Variants in NAA15 observed in about 807,000 individuals in gnomAD.
The protein encoded by NAA15 is N-terminal acetyltransferase.
Under a neutral mutation model 114.0 loss-of-function variants are expected in NAA15, and 34 were observed. The observed-to-expected ratio is 0.30, with a 90% confidence interval of 0.23 to 0.40. The LOEUF is 0.40. Among genes scored for constraint, NAA15 ranks in the 10% least tolerant of loss-of-function variants. NAA15 has a pLI of 1.00. For missense variants in NAA15, 658 were observed against 1,004.5 expected (o/e 0.66, Z 4.66); for synonymous variants, 340 against 338.0 (o/e 1.01, Z -0.06).
intron 15 of NAA15, among the ~76,000 whole-genome samples, chr4:139,375,113 C>G (rs1748546365): frequency 6.6e-6 from 1 of 152,300 alleles, no homozygotes; most frequent in South Asian, 2.1e-4. Flanking sequence ...CTGCCTTTCT[C>G]TGATACAACT....
chr4:139,361,681 A>G (rs770567182), intron 13 of NAA15, 43 bp from the exon 14 acceptor site: 20 of 1,231,524 alleles, frequency 1.6e-5, no homozygotes, highest in Middle Eastern at 2.0e-4. Context: ...TTTCTTAGCC[A>G]TTGCTGTACT....
At chr4:139,381,671 A>G (rs140359509) in intron 17 of NAA15, among the ~76,000 whole-genome samples, 9 of 152,172 alleles carry the variant, frequency 5.9e-5, no homozygotes, top group Admixed American at 5.9e-4. Context: ...AACAGTCATT[A>G]CCTCACACAA....
chr4:139,375,932 A>G (rs1418516996), intron 15 of NAA15, among the ~76,000 whole-genome samples: 1 of 152,074 alleles, frequency 6.6e-6, no homozygotes, highest in Non-Finnish European at 1.5e-5. Context: ...CAGAATGGAT[A>G]GTGTAGTATT....
intron 6 of NAA15, among the ~76,000 whole-genome samples, chr4:139,346,987 T>G (rs6822592): frequency 0.54 from 81,760 of 151,946 alleles, 24,275 homozygotes; most frequent in African/African-American, 0.81. Context: ...TGTTGCCTAG[T>G]CTGGACTTGA....
At chr4:139,333,495 T>C (rs1049408937) in intron 1 of NAA15, among the ~76,000 whole-genome samples, 17 of 152,328 alleles carry the variant, frequency 1.1e-4, no homozygotes, top group African/African-American at 3.6e-4. Flanking sequence ...GGGTATTTTT[T>C]CCGTGTATTT....
chr4:139,301,969 A>C, intron 1 of NAA15, 138 bp downstream of exon 1: 1 of 901,922 alleles, frequency 1.1e-6, no homozygotes, highest in Non-Finnish European at 1.7e-6. Context: ...GGCCGAATGC[A>C]TTGCTTTGCT....
At chr4:139,374,642 A>C (rs1363002604) in intron 15 of NAA15, among the ~76,000 whole-genome samples, 3 of 152,332 alleles carry the variant, frequency 2.0e-5, no homozygotes, top group East Asian at 3.9e-4. Flanking sequence ...ATTTCTGATT[A>C]CATGATTCCA....
rs745673757 is a variant in NAA15, at chr4:139,386,146, A to G, written c.2316A>G (p.Val772=). The G allele has an allele frequency of 1.1e-5, 17 of 1,592,370 alleles. No individual in the cohort carries two copies. In the East Asian group the frequency reaches 2.3e-4, roughly 21 times the overall value. The change falls in exon 19 of 20, where the codon GTA becomes GTG. Residue 772 remains valine (V), a synonymous_variant. Transcript: ENST00000296543. ...LPHRLSAAKM[V]YYLDPSSQKR... is the part of the protein sequence containing the mutation. The stretch of plus-strand genomic sequence containing the variant: ...CCTCTCATTTAGCTGCCAAAATGGT[A>G]TATTACTTAGATCCTTCTAGTCAGA...
chr4:139,357,003 C>T (rs1482905847), intron 10 of NAA15, among the ~76,000 whole-genome samples: 28 of 149,810 alleles, frequency 1.9e-4, no homozygotes, highest in African/African-American at 6.1e-4. Context: ...TTTTTTTAAC[C>T]TCACATGAAT....
At chr4:139,315,066 T>G (rs138133127) in intron 1 of NAA15, among the ~76,000 whole-genome samples, 3,949 of 92,534 alleles carry the variant, frequency 0.043, 200 homozygotes, top group Non-Finnish European at 0.056. Context: ...TTTAGTTTAG[T>G]TTAGTTTAGT....
At chr4:139,309,793 A>G (rs933531365) in intron 1 of NAA15, among the ~76,000 whole-genome samples, 5 of 152,336 alleles carry the variant, frequency 3.3e-5, no homozygotes, top group Middle Eastern at 3.4e-3. Flanking sequence ...TCAGTTTTCA[A>G]TAGTAGTAGA....
At position 139,334,030 on chromosome 4, in the gene NAA15, A is replaced by G. The variant is rs1747117506; in HGVS notation, c.55-144A>G. 5.2e-6 allele frequency: 3 copies of G among 573,042 alleles called. No homozygotes were observed. In the South Asian group the frequency reaches 7.0e-5, roughly 13 times the overall value. The allele number at this position is 573,042 out of a possible 1,614,324, so 35.5% of individuals were successfully genotyped here. ...TACTTCCTGTATTTGAACCTTTTGTATTTTTTATTGGCATTTTACCGAGAT... is the reference window on the plus strand; with the variant it reads ...TACTTCCTGTATTTGAACCTTTTGTGTTTTTTATTGGCATTTTACCGAGAT... On this transcript the variant is annotated intron_variant, in intron 1 of 19. Coordinates refer to ENST00000296543, the MANE Select transcript of NAA15 (RefSeq NM_057175.5).
chr4:139,316,305 T>C (rs1746409474), intron 1 of NAA15, among the ~76,000 whole-genome samples: 1 of 151,970 alleles, frequency 6.6e-6, no homozygotes, highest in African/African-American at 2.4e-5. Flanking sequence ...GTCTCTTCTA[T>C]ATGTATGACT....
In NAA15 at chr4:139,361,710, G is replaced by T. The variant is rs1013278159; in HGVS notation, c.1540-14G>T. On this transcript the variant is annotated splice_polypyrimidine_tract_variant and intron_variant, in intron 13 of 19. Transcript: ENST00000296543. ...CTGTACTTCGGTATAATAATAAAAA[G>T]ATAATTTTGTTAGCATTTTATAGAA... 2.0e-6 allele frequency: 3 copies of T among 1,500,558 alleles called. No homozygotes were observed. Among genetic ancestry groups the T allele is most frequent in the East Asian group, 2.3e-5 (1 of 42,722 alleles). 93.0% of individuals were successfully genotyped at this position (1,500,558 alleles called of 1,614,324 possible).
Position 139,361,835 on chromosome 4 carries a change from C to A in NAA15, c.1651C>A (p.His551Asn). The A allele has an allele frequency of 1.2e-6, 2 of 1,613,408 alleles. No homozygotes were observed. The highest frequency in any genetic ancestry group is 1.7e-6 in the Non-Finnish European group (2 of 1,179,508). The change falls in exon 14 of 20, where the codon CAT (histidine) becomes AAT (asparagine). Residue 551 changes from histidine to asparagine, a missense_variant. Physicochemically the swap from His to Asn is moderately conservative, Grantham distance 68. Around this residue, in one of 6 missense-constraint regions of NAA15, gnomAD observed 275 missense variants for 371.1 expected, o/e 0.74. Transcript: ENST00000296543. ...LLKLEDVLRQ[H>N]PFYFKAARIA... ...AAAACTAGAAGATGTACTTCGACAG[C>A]ATCCATTTTACTTCAAGGCAGCAAG... is the stretch of plus-strand genomic sequence containing the variant.
At chr4:139,341,219 T>C in intron 4 of NAA15, 150 bp downstream of exon 4, 1 of 548,314 alleles carries the variant, frequency 1.8e-6, no homozygotes, top group Non-Finnish European at 2.9e-6. Flanking sequence ...TGTTTATGAT[T>C]GGAATAATCA....
intron 1 of NAA15, among the ~76,000 whole-genome samples, chr4:139,324,939 C>G (rs1746743744): frequency 6.6e-6 from 1 of 152,074 alleles, no homozygotes; most frequent in East Asian, 1.9e-4. Context: ...ATTTTTACAG[C>G]TCACATTGAC....
intron 1 of NAA15, among the ~76,000 whole-genome samples, chr4:139,305,456 G>C (rs77583108): frequency 3.0e-5 from 4 of 131,260 alleles, no homozygotes; most frequent in Non-Finnish European, 6.6e-5. Context: ...TTTTTTTTTT[G>C]CCCGGTCTGA....
At chr4:139,346,101 A>G (rs779105075) in intron 6 of NAA15, among the ~76,000 whole-genome samples, 8 of 152,132 alleles carry the variant, frequency 5.3e-5, no homozygotes, top group Non-Finnish European at 1.0e-4. Context: ...CTGGGGAGTG[A>G]TCCAATAGAG....
Sources: gnomAD v4.1 joint callset for allele counts (sites outside exome capture counted in the v4.1 genomes callset) on GRCh38, gnomAD v4.1.1 for gene constraint, gnomAD v4.1.1 regional missense constraint, MANE v1.5 for transcripts, NCBI Gene and HGNC (gene_info 2026-07-23, HGNC 2026-07-21) for gene names.